The following ANKH variants were observed in gnomAD, a reference collection of about 807,000 sequenced individuals.
ANKH encodes the protein ANKH inorganic pyrophosphate transport regulator.
ANKH carries 15 observed loss-of-function variants against 49.0 expected under a neutral mutation model. The observed-to-expected ratio is 0.31, with a 90% CI of 0.20 to 0.47. The LOEUF (loss-of-function observed/expected upper bound fraction) is 0.47. Ranked by LOEUF, ANKH falls within the 20% of genes least tolerant of loss-of-function variation. ANKH has a pLI of 1.00. For synonymous variants in ANKH, 273 were observed against 260.0 expected, an observed-to-expected ratio of 1.05 and a Z score of -0.48; for missense variants, 429 against 652.0, an observed-to-expected ratio of 0.66 and a Z score of 3.72.
chr5:14,824,642 G>A (rs1017046536), intron 1 of ANKH, among the ~76,000 whole-genome samples: 1 of 152,170 alleles, frequency 6.6e-6, no homozygotes, highest in Non-Finnish European at 1.5e-5. Context: ...TTCATCAGCT[G>A]ACAGGAGCGA....
intron 1 of ANKH, among the ~76,000 whole-genome samples, chr5:14,784,405 G>C (rs1029993265): frequency 1.3e-5 from 2 of 152,158 alleles, no homozygotes; most frequent in African/African-American, 2.4e-5. Flanking sequence ...AGGGTGGGGC[G>C]GCAGGGGCAG....
In ANKH at chr5:14,803,171, T is replaced by C. The variant is rs562031138; in HGVS notation, c.97-33980A>G. 3.3e-5 allele frequency among the ~76,000 whole-genome samples: 5 copies of C among 152,346 alleles called. No individual in the cohort carries two copies. In the South Asian group the frequency reaches 8.3e-4, roughly 25 times the overall value. ...ATGAAAGAACTATTACTGTGTCAGGTGGTGGAAAAGTTTGAAAGCCCCTCC... is the reference window on the plus strand; with the variant it reads ...ATGAAAGAACTATTACTGTGTCAGGCGGTGGAAAAGTTTGAAAGCCCCTCC... On this transcript the variant is annotated intron_variant, in intron 1 of 11. Transcript: ENST00000284268.
At chr5:14,858,265 C>T (rs1249485712) in intron 1 of ANKH, among the ~76,000 whole-genome samples, 2 of 152,150 alleles carry the variant, frequency 1.3e-5, no homozygotes, top group Non-Finnish European at 2.9e-5. Flanking sequence ...ACCCGCCTCC[C>T]ACCCTTCCCC....
chr5:14,758,550 T>C lies in ANKH; in HGVS notation c.362A>G (p.Asp121Gly). The C allele has an allele frequency of 6.2e-7, 1 of 1,614,206 alleles. No individual in the cohort carries two copies. The highest frequency in any genetic ancestry group is 1.1e-5 in the South Asian group (1 of 91,088). Reference protein sequence around the residue: ...YYIINKLHHVDESVGSKTRRA... With the variant: ...YYIINKLHHVGESVGSKTRRA... ...TCTCGTCTTGCTCCCCACCGACTCGTCCACATGGTGCAGTTTATTGATAAT... is the reference window on the plus strand; with the variant it reads ...TCTCGTCTTGCTCCCCACCGACTCGCCCACATGGTGCAGTTTATTGATAAT... The change falls in exon 3 of 12, where the codon GAC (aspartate) becomes GGC (glycine). Residue 121 changes from aspartate (D) to glycine (G), a missense_variant. By Grantham distance (94) the Asp-to-Gly change is moderately conservative (BLOSUM62 -1). Around this residue, in one of 2 missense-constraint regions of ANKH, gnomAD observed 378 missense variants for 615.3 expected, o/e 0.61. Coordinates refer to ENST00000284268, the MANE Select transcript of ANKH (RefSeq NM_054027.6).
intron 1 of ANKH, among the ~76,000 whole-genome samples, chr5:14,793,015 TATATAA>T (rs1458914394): frequency 2.5e-4 from 16 of 63,536 alleles, no homozygotes; most frequent in East Asian, 1.1e-3. Context: ...TAAATATATA[TATATAA>T]ATATATATAT....
intron 1 of ANKH, among the ~76,000 whole-genome samples, chr5:14,844,673 T>G (rs1185003251): frequency 6.6e-6 from 1 of 152,242 alleles, no homozygotes; most frequent in Non-Finnish European, 1.5e-5. Flanking sequence ...ACGAGCCCCT[T>G]TCACTGTCTG....
At chr5:14,776,623 T>C (rs1739631802) in intron 1 of ANKH, among the ~76,000 whole-genome samples, 1 of 152,198 alleles carries the variant, frequency 6.6e-6, no homozygotes, top group Admixed American at 6.5e-5. Context: ...CAAATACTGC[T>C]GCATCTCTAG....
At chr5:14,815,250 C>T (rs1225632523) in intron 1 of ANKH, among the ~76,000 whole-genome samples, 1 of 152,168 alleles carries the variant, frequency 6.6e-6, no homozygotes, top group Non-Finnish European at 1.5e-5. Flanking sequence ...AGGCAAGTCT[C>T]CCGATTTTTC....
At chr5:14,740,704 A>C (rs1738326554) in intron 8 of ANKH, among the ~76,000 whole-genome samples, 1 of 152,198 alleles carries the variant, frequency 6.6e-6, no homozygotes, top group South Asian at 2.1e-4. Flanking sequence ...AATGTCCATT[A>C]AAGGTTTAAA....
intron 1 of ANKH, among the ~76,000 whole-genome samples, chr5:14,777,000 G>A (rs916382737): frequency 6.6e-6 from 1 of 152,204 alleles, no homozygotes; most frequent in Non-Finnish European, 1.5e-5. Flanking sequence ...ACATATCTGG[G>A]GTCGGGTGCA....
intron 2 of ANKH, among the ~76,000 whole-genome samples, chr5:14,762,168 T>C (rs1396247780): frequency 6.6e-6 from 1 of 152,202 alleles, no homozygotes; most frequent in Non-Finnish European, 1.5e-5. Context: ...CTGGCCCAAA[T>C]AAACTCTCTA....
intron 1 of ANKH, among the ~76,000 whole-genome samples, chr5:14,833,756 A>G (rs1398955371): frequency 6.6e-6 from 1 of 152,196 alleles, no homozygotes; most frequent in Non-Finnish European, 1.5e-5. Context: ...GTATAATGCA[A>G]AGCAGAAAAG....
chr5:14,836,524 T>A (rs1741658883), intron 1 of ANKH, among the ~76,000 whole-genome samples: 1 of 152,070 alleles, frequency 6.6e-6, no homozygotes, highest in Admixed American at 6.6e-5. Context: ...CACAATTGCT[T>A]CAAAGAGAAT....
chr5:14,851,032 A>C (rs993039130), intron 1 of ANKH, among the ~76,000 whole-genome samples: 1 of 152,144 alleles, frequency 6.6e-6, no homozygotes, highest in Non-Finnish European at 1.5e-5. Context: ...AGTGTATATA[A>C]GAAGAGAATT....
chr5:14,846,567 A>T (rs1275843263), intron 1 of ANKH, among the ~76,000 whole-genome samples: 1 of 152,238 alleles, frequency 6.6e-6, no homozygotes, highest in African/African-American at 2.4e-5. Flanking sequence ...AGCAAGTGAC[A>T]AAGTCCCAGA....
At chr5:14,826,142 G>A (rs1428861209) in intron 1 of ANKH, 1 of 153,208 alleles carries the variant, frequency 6.5e-6, no homozygotes, top group Non-Finnish European at 1.5e-5. Flanking sequence ...AAGCAAATAA[G>A]TTAAAGTAAA....
At chr5:14,742,094 A>G (rs1214265258) in intron 7 of ANKH, among the ~76,000 whole-genome samples, 172 bp from the exon 8 acceptor site, 2 of 152,206 alleles carry the variant, frequency 1.3e-5, no homozygotes, top group African/African-American at 2.4e-5. Flanking sequence ...GGCAGCTGTC[A>G]GGTCCCTGTA....
intron 8 of ANKH, among the ~76,000 whole-genome samples, chr5:14,722,372 A>T (rs1176943733): frequency 6.6e-6 from 1 of 152,206 alleles, no homozygotes; most frequent in Non-Finnish European, 1.5e-5. Context: ...AAAATCGAAT[A>T]GTCCACCCAG....
chr5:14,746,846 C>T (rs564298396), intron 6 of ANKH, among the ~76,000 whole-genome samples: 16 of 152,314 alleles, frequency 1.1e-4, no homozygotes, highest in South Asian at 6.2e-4. Context: ...GTTTCAATCC[C>T]TCCCTTTGGG....
Sources: gnomAD v4.1 joint callset for allele counts (sites outside exome capture counted in the v4.1 genomes callset) on GRCh38, gnomAD v4.1.1 for gene constraint, gnomAD v4.1.1 regional missense constraint, MANE v1.5 for transcripts, NCBI Gene and HGNC (gene_info 2026-07-23, HGNC 2026-07-21) for gene names.